Variants in CUX1 observed in about 807,000 individuals in gnomAD.
The protein encoded by CUX1 is protein CASP.
Under a neutral mutation model 158.8 loss-of-function variants are expected in CUX1, and 31 were observed. The ratio of observed to expected loss-of-function variants is 0.20; its 90% CI spans 0.15 to 0.26. The LOEUF (loss-of-function observed/expected upper bound fraction) is 0.26, where lower values mean the gene tolerates loss of function less well. Among genes scored for constraint, CUX1 ranks in the 10% least tolerant of loss-of-function variants. CUX1 has a pLI of 1.00. For synonymous variants in CUX1, 879 were observed against 862.1 expected, an observed-to-expected ratio of 1.02 and a Z score of -0.34; for missense variants, 1,589 against 2,014.6, an observed-to-expected ratio of 0.79 and a Z score of 4.04.
intron 22 of CUX1, among the ~76,000 whole-genome samples, chr7:102,238,338 C>T (rs192439479): frequency 6.6e-6 from 1 of 152,206 alleles, no homozygotes; most frequent in Admixed American, 6.5e-5. Context: ...ACCTCTAGAC[C>T]AAGGAGTCCT....
At chr7:101,900,082 C>G (rs568236652) in intron 1 of CUX1, among the ~76,000 whole-genome samples, 107 of 152,330 alleles carry the variant, frequency 7.0e-4, no homozygotes, top group African/African-American at 2.4e-3. Flanking sequence ...GTGATGCTGA[C>G]AGCTGGAGTC....
chr7:101,841,684 A>T (rs1338305698), intron 1 of CUX1, among the ~76,000 whole-genome samples: 1 of 151,944 alleles, frequency 6.6e-6, no homozygotes, highest in Non-Finnish European at 1.5e-5. Context: ...CAGTCTCCTG[A>T]GTAGCTGGGA....
At chr7:102,022,181 G>T (rs1390452373) in intron 2 of CUX1, among the ~76,000 whole-genome samples, 1 of 152,202 alleles carries the variant, frequency 6.6e-6, no homozygotes. Context: ...ATTGAACACT[G>T]CATGACGATT....
At position 101,820,698 on chromosome 7, in the gene CUX1, G is replaced by C. The variant is rs150503206; in HGVS notation, c.30+3029G>C. Among the ~76,000 whole-genome samples, 41 of 152,260 alleles carry C rather than the reference G, an allele frequency of 2.7e-4. No homozygotes were observed. In the East Asian group the frequency reaches 6.9e-3, roughly 26 times the overall value. ...TTTCCACCGAAATTTCCCTGCCTCC[G>C]ATTGTTTAAACCAGACCCTTAATCT... On this transcript the variant is annotated intron_variant, in intron 1 of 23. Coordinates refer to ENST00000292535, the MANE Select transcript of CUX1 (RefSeq NM_181552.4).
At chr7:101,955,546 T>G (rs564905988) in intron 2 of CUX1, among the ~76,000 whole-genome samples, 24 of 152,266 alleles carry the variant, frequency 1.6e-4, no homozygotes, top group African/African-American at 5.3e-4. Flanking sequence ...ACCTACCCAC[T>G]TCCCCACTTC....
At chr7:102,021,426 G>A (rs1585305649) in intron 2 of CUX1, among the ~76,000 whole-genome samples, 1 of 151,922 alleles carries the variant, frequency 6.6e-6, no homozygotes, top group Non-Finnish European at 1.5e-5. Flanking sequence ...CTCCACCTCA[G>A]CCTCCAAAAT....
chr7:102,247,964 C>G (rs1166497958), intron 23 of CUX1, among the ~76,000 whole-genome samples: 1 of 152,200 alleles, frequency 6.6e-6, no homozygotes, highest in African/African-American at 2.4e-5. Context: ...AACCCCATCT[C>G]TTCTAAAAAT....
intron 20 of CUX1, among the ~76,000 whole-genome samples, chr7:102,221,122 C>T (rs1212578603): frequency 1.3e-5 from 2 of 152,184 alleles, no homozygotes; most frequent in East Asian, 3.8e-4. Context: ...TCTGTATAGT[C>T]ATTGGAATTT....
chr7:101,998,362 C>T (rs755859938), intron 2 of CUX1, among the ~76,000 whole-genome samples: 1 of 152,172 alleles, frequency 6.6e-6, no homozygotes, highest in Admixed American at 6.5e-5. Context: ...GCACATTTAC[C>T]GAGTGTGCAC....
chr7:102,067,409 T>C (rs1825666656), intron 3 of CUX1, among the ~76,000 whole-genome samples: 1 of 151,838 alleles, frequency 6.6e-6, no homozygotes, highest in Non-Finnish European at 1.5e-5. Flanking sequence ...GGCTAATTTT[T>C]ATATTTTTAG....
chr7:102,236,982 G>A (rs1390642407), intron 22 of CUX1, among the ~76,000 whole-genome samples: 2 of 152,132 alleles, frequency 1.3e-5, no homozygotes, highest in Non-Finnish European at 2.9e-5. Context: ...TCCTGGGGGT[G>A]CCGGCCACAA....
intron 3 of CUX1, among the ~76,000 whole-genome samples, chr7:102,047,878 A>G (rs1412829995): frequency 6.6e-6 from 1 of 152,130 alleles, no homozygotes; most frequent in Admixed American, 6.5e-5. Context: ...CACATGGCCA[A>G]AGGAAGCCCA....
chr7:101,943,461 C>T lies in CUX1; in HGVS notation c.141+27236C>T, dbSNP rs539970181. 2.0e-5 allele frequency among the ~76,000 whole-genome samples: 3 copies of T among 152,078 alleles called. No individual in the cohort carries two copies. In the South Asian group the frequency reaches 6.3e-4, roughly 32 times the overall value. On this transcript the variant is annotated intron_variant, in intron 2 of 23. Transcript: ENST00000292535. ...AAAATGACCAATTCATCTAAAACCC[C>T]GAGCTGGCAGATGCTCTCCCGCGCG...
chr7:101,907,434 C>T (rs926086926), intron 1 of CUX1, among the ~76,000 whole-genome samples: 6 of 152,168 alleles, frequency 3.9e-5, no homozygotes, highest in African/African-American at 1.2e-4. Flanking sequence ...TTGCAACCTC[C>T]GCCCCCAGGG....
intron 8 of CUX1, among the ~76,000 whole-genome samples, chr7:102,118,532 G>A (rs542422697): frequency 1.3e-5 from 2 of 151,896 alleles, no homozygotes; most frequent in Admixed American, 6.6e-5. Context: ...GCAAGACCCT[G>A]TCTAAAAAAA....
At position 102,230,506 on chromosome 7, in the gene CUX1, A is replaced by G. The variant is rs148100994; in HGVS notation, c.3433+2837A>G. ...TCTCAAAAAAAAAAAATTAAAAAAA[A>G]AAAAAAGAACAGAGTAGCTGAGTTC... is the stretch of plus-strand genomic sequence containing the variant. On this transcript the variant is annotated intron_variant, in intron 21 of 23. Coordinates refer to ENST00000292535, the MANE Select transcript of CUX1 (RefSeq NM_181552.4). Among the ~76,000 whole-genome samples, 171 of 151,748 alleles carry G rather than the reference A, an allele frequency of 1.1e-3. 2 individuals are homozygous for G. The highest frequency in any genetic ancestry group is 4.0e-3 in the African/African-American group (166 of 41,408).
chr7:101,970,379 G>A (rs998489599), intron 2 of CUX1, among the ~76,000 whole-genome samples: 3 of 151,938 alleles, frequency 2.0e-5, no homozygotes, highest in African/African-American at 7.3e-5. Context: ...CGTTGGAGGG[G>A]GCTGTTCCCA....
chr7:102,170,077 C>G (rs561931407), intron 9 of CUX1, among the ~76,000 whole-genome samples: 36 of 152,254 alleles, frequency 2.4e-4, no homozygotes, highest in Admixed American at 1.2e-3. Flanking sequence ...GAGAATTACT[C>G]CCAGGAGTAA....
At chr7:102,162,537 G>A (rs113475656) in intron 9 of CUX1, among the ~76,000 whole-genome samples, 5,567 of 151,962 alleles carry the variant, frequency 0.037, 357 homozygotes, top group African/African-American at 0.13. Flanking sequence ...TCAGCCTCCC[G>A]AGTAGCTGGG....
Sources: gnomAD v4.1 joint callset for allele counts (sites outside exome capture counted in the v4.1 genomes callset) on GRCh38, gnomAD v4.1.1 for gene constraint, MANE v1.5 for transcripts, NCBI Gene and HGNC (gene_info 2026-07-23, HGNC 2026-07-21) for gene names.